ADAMTS20: variants seen among roughly 807,000 people sequenced by gnomAD.
The protein encoded by ADAMTS20 is A disintegrin and metalloproteinase with thrombospondin motifs 20.
A neutral mutation model predicts 260.1 loss-of-function variants in ADAMTS20; 225 were observed. The ratio of observed to expected loss-of-function variants is 0.87; its 90% CI spans 0.78 to 0.97. The LOEUF (loss-of-function observed/expected upper bound fraction) is 0.97. ADAMTS20 is among the 50% of genes least tolerant of loss of function. ADAMTS20 has a pLI of 0.00. For missense variants in ADAMTS20, 2,400 were observed against 2,337.7 expected (o/e 1.03, Z -0.55); for synonymous variants, 802 against 769.5 (o/e 1.04, Z -0.70).
intron 29 of ADAMTS20, among the ~76,000 whole-genome samples, chr12:43,393,241 A>T (rs1222441920): frequency 1.3e-5 from 2 of 152,070 alleles, no homozygotes; most frequent in African/African-American, 2.4e-5. Flanking sequence ...AGTGTTATAG[A>T]ACTAATATAA....
At chr12:43,513,118 T>G (rs1248368276) in intron 3 of ADAMTS20, among the ~76,000 whole-genome samples, 1 of 152,126 alleles carries the variant, frequency 6.6e-6, no homozygotes, top group African/African-American at 2.4e-5. Flanking sequence ...ATACTGTCCT[T>G]TCATCTAGTG....
At position 43,528,325 on chromosome 12, in the gene ADAMTS20, C is replaced by A. The variant is rs188253808; in HGVS notation, c.613+3711G>T. On this transcript the variant is annotated intron_variant, in intron 3 of 38. Transcript: ENST00000389420. Reference sequence around the variant, plus strand: ...AATTCATATGGAACTAAAAAGGAGACCAACAGCCAAGGCAATCCTAAGCAA... The same window carrying A: ...AATTCATATGGAACTAAAAAGGAGAACAACAGCCAAGGCAATCCTAAGCAA... Among the ~76,000 whole-genome samples the A allele has an allele frequency of 9.7e-3, 813 of 84,160 alleles. 11 individuals carry two copies. The highest frequency in any genetic ancestry group is 0.036 in the African/African-American group (795 of 22,312). 55.2% of individuals were successfully genotyped at this position (84,160 alleles called of 152,430 possible). A position where few individuals can be genotyped will look rare whatever the true frequency, so the allele number is the denominator to read the frequency against.
At chr12:43,451,261 T>C (rs1158778890) in intron 14 of ADAMTS20, among the ~76,000 whole-genome samples, 1 of 152,174 alleles carries the variant, frequency 6.6e-6, no homozygotes, top group Non-Finnish European at 1.5e-5. Flanking sequence ...CTATATTCTT[T>C]AGACCACATT....
At chr12:43,466,579 C>A (rs1592083655) in intron 9 of ADAMTS20, 73 bp downstream of exon 9, 5 of 1,400,624 alleles carry the variant, frequency 3.6e-6, no homozygotes, top group Admixed American at 4.3e-5. Context: ...AGAAATTGAA[C>A]CACCTTTAAA....
chr12:43,501,770 A>G (rs562697179), intron 4 of ADAMTS20, among the ~76,000 whole-genome samples: 1 of 152,270 alleles, frequency 6.6e-6, no homozygotes, highest in East Asian at 1.9e-4. Flanking sequence ...GCCATAATAA[A>G]AATAGTATCT....
chr12:43,551,695 T>G lies in ADAMTS20; in HGVS notation c.91+136A>C. 1.1e-6 allele frequency: 1 copy of G among 904,260 alleles called. No individual in the cohort carries two copies. Among genetic ancestry groups the G allele is most frequent in the Admixed American group, 2.1e-5 (1 of 46,854 alleles). 56.0% of individuals were successfully genotyped at this position (904,260 alleles called of 1,614,324 possible). Reference sequence around the variant, plus strand: ...CGCAGTCGCGACCTCTCCGGCTGACTGGTCCGGGAGTCCCGGGAGCTCCAG... The same window carrying G: ...CGCAGTCGCGACCTCTCCGGCTGACGGGTCCGGGAGTCCCGGGAGCTCCAG... On this transcript the variant is annotated intron_variant, in intron 1 of 38. Transcript: ENST00000389420. The surrounding 1 kb of genome is among the most constrained non-coding windows in gnomAD (Gnocchi z 4.6).
At chr12:43,390,969 AT>A (rs1034734334) in intron 29 of ADAMTS20, among the ~76,000 whole-genome samples, 20 of 151,818 alleles carry the variant, frequency 1.3e-4, no homozygotes, top group Middle Eastern at 3.4e-3. Flanking sequence ...ATCAGTACCA[AT>A]TTTTTTTTAT....
intron 31 of ADAMTS20, among the ~76,000 whole-genome samples, 189 bp downstream of exon 31, chr12:43,383,369 T>G (rs1940395441): frequency 6.6e-6 from 1 of 152,148 alleles, no homozygotes; most frequent in South Asian, 2.1e-4. Flanking sequence ...TGCACTAGAG[T>G]TTAACACATA....
chr12:43,486,782 T>C lies in ADAMTS20; in HGVS notation c.1117+3613A>G, dbSNP rs551265163. On this transcript the variant is annotated intron_variant, in intron 7 of 38. Transcript: ENST00000389420. Reference sequence around the variant, plus strand: ...AGCAAAGGACATGAACAGACATTTCTCAAAGGAGATGTACAATTGGCCAAC... The same window carrying C: ...AGCAAAGGACATGAACAGACATTTCCCAAAGGAGATGTACAATTGGCCAAC... Among the ~76,000 whole-genome samples, 5 of 152,182 alleles carry C rather than the reference T, an allele frequency of 3.3e-5. No homozygotes were observed. The South Asian group carries it at 1.0e-3, about 32-fold the overall frequency.
At chr12:43,419,591 T>G (rs1161305643) in intron 28 of ADAMTS20, among the ~76,000 whole-genome samples, 3 of 152,104 alleles carry the variant, frequency 2.0e-5, no homozygotes, top group Non-Finnish European at 2.9e-5. Context: ...ATAGGAGAAC[T>G]GCCATGGAAA....
intron 28 of ADAMTS20, chr12:43,423,694 T>C (rs1196966892): frequency 1.4e-6 from 1 of 700,138 alleles, no homozygotes; most frequent in African/African-American, 1.8e-5. Flanking sequence ...AAATATCTTT[T>C]TATAGTGAGT....
chr12:43,541,057 A>G (rs1166524313), intron 2 of ADAMTS20, among the ~76,000 whole-genome samples: 2 of 152,198 alleles, frequency 1.3e-5, no homozygotes, highest in South Asian at 2.1e-4. Flanking sequence ...CTCAGATTTC[A>G]TTAAAGGGTG....
chr12:43,388,683 A>C (rs1427377618), intron 29 of ADAMTS20, among the ~76,000 whole-genome samples: 3 of 152,238 alleles, frequency 2.0e-5, no homozygotes, highest in Non-Finnish European at 2.9e-5. Flanking sequence ...GGCTGAGGAC[A>C]CTGGGACTCA....
intron 3 of ADAMTS20, among the ~76,000 whole-genome samples, chr12:43,520,487 A>G (rs1159416625): frequency 6.6e-6 from 1 of 152,136 alleles, no homozygotes; most frequent in Non-Finnish European, 1.5e-5. Context: ...TTAAAAGCAA[A>G]GTGTGCCAGT....
chr12:43,457,884 T>G (rs1169212980), intron 11 of ADAMTS20, among the ~76,000 whole-genome samples: 1 of 152,226 alleles, frequency 6.6e-6, no homozygotes, highest in Non-Finnish European at 1.5e-5. Context: ...CAGGTATGAA[T>G]CCATTCAAAT....
intron 2 of ADAMTS20, among the ~76,000 whole-genome samples, chr12:43,545,509 G>T (rs175724): frequency 0.93 from 140,994 of 152,190 alleles, 65,767 homozygotes; most frequent in East Asian, 0.99. Context: ...CCTTAATTAT[G>T]TCATTCCTCA....
intron 33 of ADAMTS20, 67 bp downstream of exon 33, chr12:43,376,457 G>A (rs1021546727): frequency 6.6e-7 from 1 of 1,522,992 alleles, no homozygotes; most frequent in Non-Finnish European, 8.9e-7. Flanking sequence ...AACTACTACA[G>A]ATATTTATTT....
intron 3 of ADAMTS20, among the ~76,000 whole-genome samples, chr12:43,523,384 A>C (rs543183636): frequency 4.5e-4 from 69 of 152,264 alleles, no homozygotes; most frequent in Non-Finnish European, 8.5e-4. Flanking sequence ...TAGTGGTCAT[A>C]AGTTGAAAAA....
At chr12:43,460,414 CA>C (rs965365755) in intron 11 of ADAMTS20, among the ~76,000 whole-genome samples, 44 of 152,092 alleles carry the variant, frequency 2.9e-4, no homozygotes, top group Middle Eastern at 6.8e-3. Flanking sequence ...GTAGAATGGC[CA>C]AATTTTTTTT....
Sources: allele counts gnomAD v4.1 joint callset (sites outside exome capture counted in the v4.1 genomes callset), GRCh38; gene constraint gnomAD v4.1.1; non-coding constraint Gnocchi (gnomAD v3.1); transcripts MANE v1.5; gene names NCBI Gene and HGNC (gene_info 2026-07-23, HGNC 2026-07-21).